IGF2R: variants seen among roughly 807,000 people sequenced by gnomAD.
The protein encoded by IGF2R is insulin like growth factor 2 receptor.
IGF2R carries 91 observed loss-of-function variants against 270.6 expected under a neutral mutation model. The ratio of observed to expected loss-of-function variants is 0.34; its 90% CI spans 0.28 to 0.40. The LOEUF (loss-of-function observed/expected upper bound fraction) is 0.40, where lower values mean the gene tolerates loss of function less well. IGF2R is among the 10% of genes least tolerant of loss of function. The pLI is 1.00. For synonymous variants in IGF2R, 1,316 were observed against 1,258.9 expected (o/e 1.05, Z -0.96); for missense variants, 2,805 against 3,188.3 (o/e 0.88, Z 2.90).
At chr6:160,022,378 G>T (rs1257018797) in intron 4 of IGF2R, among the ~76,000 whole-genome samples, 3 of 152,110 alleles carry the variant, frequency 2.0e-5, no homozygotes, top group African/African-American at 7.2e-5. Context: ...ACTGCACTCG[G>T]TCCTCCTAAA....
chr6:160,001,941 T>C (rs1293932880), intron 2 of IGF2R, among the ~76,000 whole-genome samples: 3 of 152,210 alleles, frequency 2.0e-5, no homozygotes, highest in Admixed American at 1.3e-4. Flanking sequence ...AAAATCCACA[T>C]TTAACATTTC....
chr6:159,987,433 C>T (rs1442653521), intron 1 of IGF2R, among the ~76,000 whole-genome samples: 1 of 152,152 alleles, frequency 6.6e-6, no homozygotes, highest in East Asian at 1.9e-4. Context: ...GCTGTGTTGC[C>T]CAGGCTGGAG....
At chr6:160,008,171 G>A (rs1281457214) in intron 2 of IGF2R, among the ~76,000 whole-genome samples, 1 of 152,178 alleles carries the variant, frequency 6.6e-6, no homozygotes, top group Non-Finnish European at 1.5e-5. Flanking sequence ...CATGGGCCAC[G>A]GGTTGGACAA....
At chr6:160,077,588 G>A (rs1562370003) in intron 36 of IGF2R, among the ~76,000 whole-genome samples, 2 of 152,188 alleles carry the variant, frequency 1.3e-5, no homozygotes, top group African/African-American at 2.4e-5. Context: ...GTGTTCTAGC[G>A]TTCCAGAAAG....
At chr6:160,016,215 G>C (rs1777295571) in intron 4 of IGF2R, among the ~76,000 whole-genome samples, 1 of 152,158 alleles carries the variant, frequency 6.6e-6, no homozygotes, top group South Asian at 2.1e-4. Context: ...CTATGCTGTG[G>C]AGCTCAGGCT....
chr6:160,024,798 A>G, intron 5 of IGF2R, 94 bp downstream of exon 5: 1 of 1,408,252 alleles, frequency 7.1e-7, no homozygotes, highest in South Asian at 1.3e-5. Flanking sequence ...CTGTTTTCAC[A>G]TCCATGTTTC....
chr6:160,063,514 A>T lies in IGF2R; in HGVS notation c.3770A>T (p.Tyr1257Phe), dbSNP rs1290953686. ...DTIVSAGEYT[Y>F]YFRVCGKLSS... ...ATCGTGAGCGCTGGCGAATACACTT[A>T]TTACTTCCGGGTCTGTGGGAAGCTT... The change falls in exon 27 of 48, where the codon TAT becomes TTT. Residue 1257 changes from tyrosine (Y) to phenylalanine (F), a missense_variant. By Grantham distance (22) the Tyr-to-Phe change is conservative. This residue lies in a region of IGF2R where 1,851 missense variants were observed against 2,207.2 expected (regional missense o/e 0.84). Coordinates refer to ENST00000356956, the MANE Select transcript of IGF2R (RefSeq NM_000876.4). The T allele has an allele frequency of 6.2e-7, 1 of 1,614,096 alleles. No homozygotes were observed. The highest frequency in any genetic ancestry group is 8.5e-7 in the Non-Finnish European group (1 of 1,180,006).
At chr6:160,025,186 A>G (rs574497885) in intron 5 of IGF2R, among the ~76,000 whole-genome samples, 1 of 152,250 alleles carries the variant, frequency 6.6e-6, no homozygotes, top group Non-Finnish European at 1.5e-5. Flanking sequence ...AGAATCTTTG[A>G]TAAATTAACT....
chr6:159,978,343 G>A (rs112447908), intron 1 of IGF2R, among the ~76,000 whole-genome samples: 28 of 152,148 alleles, frequency 1.8e-4, no homozygotes, highest in Non-Finnish European at 4.4e-5. Flanking sequence ...ATAATTCGAG[G>A]TGTGGAGTTT....
In IGF2R at chr6:160,059,046, G is replaced by A; in HGVS notation, c.3039G>A (p.Leu1013=). 1.9e-6 allele frequency: 3 copies of A among 1,614,228 alleles called. No homozygotes were observed. The highest frequency in any genetic ancestry group is 2.5e-6 in the Non-Finnish European group (3 of 1,180,040). The part of the protein sequence containing the change: ...RPVGIEKSLQ[L]STEGFITLTY... ...TCGGAATTGAGAAAAGCCTCCAGCT[G>A]TCCACAGAGGGCTTCATCACTCTGA... The change falls in exon 22 of 48, where the codon CTG becomes CTA. Residue 1013 remains leucine, a synonymous_variant. Transcript: ENST00000356956.
chr6:160,103,405 G>T (rs1412060814), intron 46 of IGF2R, among the ~76,000 whole-genome samples: 1 of 152,184 alleles, frequency 6.6e-6, no homozygotes, highest in Admixed American at 6.5e-5. Flanking sequence ...GGAAGGGCAT[G>T]TGATGTCTGT....
Position 160,072,048 on chromosome 6 carries a change from T to G in IGF2R, c.4570+12T>G. The G allele has an allele frequency of 6.2e-7, 1 of 1,613,972 alleles. No individual in the cohort carries two copies. Among genetic ancestry groups the G allele is most frequent in the East Asian group, 2.2e-5 (1 of 44,876 alleles). ...CAACCCAAGCACAGGTGAGAGGTGGTGCCAGTCGTTAACCCCAGCGCAGGT... is the reference window on the plus strand; with the variant it reads ...CAACCCAAGCACAGGTGAGAGGTGGGGCCAGTCGTTAACCCCAGCGCAGGT... On this transcript the variant is annotated intron_variant, in intron 32 of 47. Transcript: ENST00000356956.
intron 1 of IGF2R, among the ~76,000 whole-genome samples, chr6:159,985,538 C>T (rs1198792874): frequency 2.0e-5 from 3 of 152,224 alleles, no homozygotes; most frequent in African/African-American, 7.2e-5. Context: ...TGGCCAGTTT[C>T]CTTCTCAAGC....
rs1002206351 is a variant in IGF2R at position 160,047,084 on chromosome 6, C to T, written c.2052-75C>T. ...TGACTCCTCACGTCGCTCACGGGCC[C>T]TCCCTTCAGTGTGGCAGCCTTGGAG... On this transcript the variant is annotated intron_variant, in intron 15 of 47. Coordinates refer to ENST00000356956, the MANE Select transcript of IGF2R (RefSeq NM_000876.4). 9.8e-6 allele frequency: 14 copies of T among 1,427,610 alleles called. No homozygotes were observed. In the Admixed American group the frequency reaches 1.7e-4, roughly 17 times the overall value. The allele number at this position is 1,427,610 out of a possible 1,614,324, so 88.4% of individuals were successfully genotyped here.
At chr6:160,077,568 T>C (rs1778881496) in intron 36 of IGF2R, among the ~76,000 whole-genome samples, 1 of 152,378 alleles carries the variant, frequency 6.6e-6, no homozygotes, top group South Asian at 2.1e-4. Flanking sequence ...AAGCATCTTA[T>C]GCTGAATGTG....
At chr6:160,071,490 G>A (rs1423499046) in intron 31 of IGF2R, among the ~76,000 whole-genome samples, 1 of 152,198 alleles carries the variant, frequency 6.6e-6, no homozygotes, top group Non-Finnish European at 1.5e-5. Context: ...CGTGGAATGG[G>A]CTAGTTCTCT....
intron 1 of IGF2R, among the ~76,000 whole-genome samples, chr6:159,977,610 C>T (rs1275863168): frequency 6.6e-6 from 1 of 152,198 alleles, no homozygotes; most frequent in Non-Finnish European, 1.5e-5. Context: ...TTCTCTGGAC[C>T]TCATTTTCCT....
At chr6:160,025,879 A>G (rs1012749256) in intron 5 of IGF2R, among the ~76,000 whole-genome samples, 1 of 152,256 alleles carries the variant, frequency 6.6e-6, no homozygotes, top group African/African-American at 2.4e-5. Flanking sequence ...CTGGTCTCTT[A>G]ACATTTTACA....
At chr6:160,023,496 T>C (rs533523291) in intron 4 of IGF2R, among the ~76,000 whole-genome samples, 39 of 152,322 alleles carry the variant, frequency 2.6e-4, no homozygotes, top group African/African-American at 9.1e-4. Flanking sequence ...ATAACACTTA[T>C]GCCAACCTGC....
Sources: gnomAD v4.1 joint callset for allele counts (sites outside exome capture counted in the v4.1 genomes callset) on GRCh38, gnomAD v4.1.1 for gene constraint, gnomAD v4.1.1 regional missense constraint, MANE v1.5 for transcripts, NCBI Gene and HGNC (gene_info 2026-07-23, HGNC 2026-07-21) for gene names.